Variants in MED25 observed in about 807,000 individuals in gnomAD.
MED25 encodes the protein mediator of RNA polymerase II transcription subunit 25.
A neutral mutation model predicts 89.4 loss-of-function variants in MED25; 62 were observed. The ratio of observed to expected loss-of-function variants is 0.69; its 90% CI spans 0.57 to 0.86. MED25 has a LOEUF of 0.86. MED25 is among the 40% of genes least tolerant of loss of function. MED25 has a pLI of 0.00. For missense variants in MED25, 905 were observed against 1,005.2 expected, an observed-to-expected ratio of 0.90 and a Z score of 1.35; for synonymous variants, 449 against 427.9, an observed-to-expected ratio of 1.05 and a Z score of -0.61.
rs1317687837 is a variant in MED25, at chr19:49,835,555, C to T, written c.1696C>T (p.Pro566Ser). 1.3e-6 allele frequency: 2 copies of T among 1,565,994 alleles called. No individual in the cohort carries two copies. Among genetic ancestry groups the T allele is most frequent in the Non-Finnish European group, 1.7e-6 (2 of 1,155,910 alleles). The stretch of plus-strand genomic sequence containing the variant: ...GCAGATGGGGGGACAGCAGGCACCC[C>T]CAGGGCTGGGGCCCATTCTGGAGGA... The part of the protein sequence containing the change: ...QRGMGGQQAP[P>S]GLGPILEDQA... Residue 566 changes from proline (P) to serine (S), a missense_variant, in exon 15 of 18, where the codon CCA becomes TCA. By Grantham distance (74) the Pro-to-Ser change is moderately conservative (BLOSUM62 -1). This residue lies in a region of MED25 where 271 missense variants were observed against 258.1 expected (regional missense o/e 1.05). Transcript: ENST00000312865. This position sits in a 1 kb window ranked among gnomAD's most constrained non-coding sequence, Gnocchi z 6.2.
rs112946131 is a variant in MED25, at chr19:49,830,061, G to C, written c.689-27G>C. 0.018 allele frequency: 29,262 copies of C among 1,600,716 alleles called. 337 individuals carry two copies. Among genetic ancestry groups the C allele is most frequent in the Non-Finnish European group, 0.022 (25,571 of 1,173,336 alleles). ...TCTGCATCTTGAATCCCTTCTCTCT[G>C]GGGTTGGCCATCCCTCCTGCTCTCA... On this transcript the variant is annotated intron_variant, in intron 6 of 17. Coordinates refer to ENST00000312865, the MANE Select transcript of MED25 (RefSeq NM_030973.4). This position sits in a 1 kb window ranked among gnomAD's most constrained non-coding sequence, Gnocchi z 4.6.
At chr19:49,821,208 T>C (rs750024291) in intron 3 of MED25, among the ~76,000 whole-genome samples, 5 of 152,228 alleles carry the variant, frequency 3.3e-5, no homozygotes, top group Non-Finnish European at 5.9e-5. Flanking sequence ...TCCACAGGGC[T>C]GGTTGACTGT....
intron 3 of MED25, among the ~76,000 whole-genome samples, chr19:49,821,636 C>T (rs2073982852): frequency 6.6e-6 from 1 of 151,254 alleles, no homozygotes. Context: ...GCCTTGACCT[C>T]CCTAAGTGCT....
chr19:49,832,951 C>T (rs1251101509), intron 13 of MED25: 1 of 197,410 alleles, frequency 5.1e-6, no homozygotes, highest in African/African-American at 2.3e-5. Context: ...CTCCACATGG[C>T]ATTCTCTCTG....
rs768736939 is a variant in MED25 at position 49,828,981 on chromosome 19, A to G, written c.416A>G (p.His139Arg). 1.9e-6 allele frequency: 3 copies of G among 1,613,834 alleles called. No homozygotes were observed. The highest frequency in any genetic ancestry group is 2.2e-5 in the South Asian group (2 of 91,080). ...KKMREQIGQT[H>R]RVCLLICNSP... is the part of the protein sequence containing the mutation. Reference sequence around the variant, plus strand: ...CTCTTTCCTGGTAGTGGCCAGACGCACCGGGTCTGCCTCCTCATCTGCAAC... The same window carrying G: ...CTCTTTCCTGGTAGTGGCCAGACGCGCCGGGTCTGCCTCCTCATCTGCAAC... Residue 139 changes from histidine to arginine, a missense_variant, in exon 5 of 18, where the codon CAC becomes CGC. By Grantham distance (29) the His-to-Arg change is conservative. Around this residue, in one of 3 missense-constraint regions of MED25, gnomAD observed 501 missense variants for 526.9 expected, o/e 0.95. Coordinates refer to ENST00000312865, the MANE Select transcript of MED25 (RefSeq NM_030973.4).
chr19:49,838,250 G>A (rs73934055), downstream of MED25, among the ~76,000 whole-genome samples: 99 of 152,286 alleles, frequency 6.5e-4, no homozygotes, highest in African/African-American at 2.3e-3. Context: ...TAGCATATGT[G>A]GCATTTTTTT....
rs890705505 is a variant in MED25, at chr19:49,831,760, G to C, written c.1231-176G>C. ...ATGGTGGGATTTAGGGGCCGGGCAC[G>C]TAGCTGTAACATTTGAGGAACTGAA... On this transcript the variant is annotated intron_variant, in intron 10 of 17. Transcript: ENST00000312865. The surrounding 1 kb of genome is among the most constrained non-coding windows in gnomAD (Gnocchi z 5.0). Among the ~76,000 whole-genome samples, 1 of 152,032 alleles carries C rather than the reference G, an allele frequency of 6.6e-6. No homozygotes were observed. Among genetic ancestry groups the C allele is most frequent in the Non-Finnish European group, 1.5e-5 (1 of 67,996 alleles).
At chr19:49,839,780 G>A (rs553548448), downstream of MED25, 3 of 152,300 alleles carry the variant, frequency 2.0e-5, no homozygotes, top group East Asian at 3.9e-4. Flanking sequence ...AATGAAAGAG[G>A]TGGCCCGGAC....
At chr19:49,820,693 C>T (rs994033652) in intron 3 of MED25, among the ~76,000 whole-genome samples, 1 of 152,250 alleles carries the variant, frequency 6.6e-6, no homozygotes, top group African/African-American at 2.4e-5. Flanking sequence ...ATTGCTGCCT[C>T]TCAGACAAGT....
In MED25 at chr19:49,824,368, G is replaced by A. The variant is rs549362609; in HGVS notation, c.306-4081G>A. ...TCCAGCTGGGGCTTGGCACCCACGG[G>A]GCTTCAGGAGACTGGCTGAATAAAT... On this transcript the variant is annotated intron_variant, in intron 3 of 17. Coordinates refer to ENST00000312865, the MANE Select transcript of MED25 (RefSeq NM_030973.4). 2.0e-5 allele frequency among the ~76,000 whole-genome samples: 3 copies of A among 152,178 alleles called. No individual in the cohort carries two copies. In the South Asian group the frequency reaches 6.2e-4, roughly 32 times the overall value.
rs2123889827 is a variant in MED25, at chr19:49,836,647, A to G, written c.2147-200A>G. On this transcript the variant is annotated intron_variant, in intron 17 of 17. Coordinates refer to ENST00000312865, the MANE Select transcript of MED25 (RefSeq NM_030973.4). This position sits in a 1 kb window ranked among gnomAD's most constrained non-coding sequence, Gnocchi z 5.1. Reference sequence around the variant, plus strand: ...TGTGTGCTCCTGGGATTGCTGGGAAATGTGGTCTTAGGGCCAGAGAAGTAG... The same window carrying G: ...TGTGTGCTCCTGGGATTGCTGGGAAGTGTGGTCTTAGGGCCAGAGAAGTAG... 1.4e-6 allele frequency: 1 copy of G among 739,840 alleles called. No homozygotes were observed. Among genetic ancestry groups the G allele is most frequent in the Middle Eastern group, 2.3e-4 (1 of 4,422 alleles). The allele number at this position is 739,840 out of a possible 1,614,324, so 45.8% of individuals were successfully genotyped here.
chr19:49,826,571 G>A (rs77252411), intron 3 of MED25, among the ~76,000 whole-genome samples: 190 of 152,336 alleles, frequency 1.2e-3, no homozygotes, highest in Non-Finnish European at 2.5e-3. Flanking sequence ...CTCAGCAGAT[G>A]GTTCCTAGGC....
At position 49,830,297 on chromosome 19, in the gene MED25, G is replaced by A. The variant is rs1282201800; in HGVS notation, c.819+79G>A. 1 of 1,451,152 alleles carries A rather than the reference G, an allele frequency of 6.9e-7. No homozygotes were observed. Among genetic ancestry groups the A allele is most frequent in the Non-Finnish European group, 9.5e-7 (1 of 1,053,396 alleles). 89.9% of individuals were successfully genotyped at this position (1,451,152 alleles called of 1,614,324 possible). A position where few individuals can be genotyped will look rare whatever the true frequency, so the allele number is the denominator to read the frequency against. On this transcript the variant is annotated intron_variant, in intron 7 of 17. Coordinates refer to ENST00000312865, the MANE Select transcript of MED25 (RefSeq NM_030973.4). This position sits in a 1 kb window ranked among gnomAD's most constrained non-coding sequence, Gnocchi z 4.6. Reference sequence around the variant, plus strand: ...CCCCTGGGGAGAAATCTAGTTGCATGTTGGAGCTTGTGGGATGATGGGAGT... The same window carrying A: ...CCCCTGGGGAGAAATCTAGTTGCATATTGGAGCTTGTGGGATGATGGGAGT...
intron 4 of MED25, 132 bp downstream of exon 4, chr19:49,828,679 C>T: frequency 1.1e-6 from 1 of 922,980 alleles, no homozygotes. Flanking sequence ...CACGCTGAGC[C>T]AGGAGGCTGC....
In MED25 at chr19:49,826,412, G is replaced by C. The variant is rs546608542; in HGVS notation, c.306-2037G>C. On this transcript the variant is annotated intron_variant, in intron 3 of 17. Coordinates refer to ENST00000312865, the MANE Select transcript of MED25 (RefSeq NM_030973.4). ...GTGTGGTGGGTTGGGAGCAGCGCCCGAGTGCCCTGAGAGCAGGAAGAAGGC... is the reference window on the plus strand; with the variant it reads ...GTGTGGTGGGTTGGGAGCAGCGCCCCAGTGCCCTGAGAGCAGGAAGAAGGC... Among the ~76,000 whole-genome samples the C allele has an allele frequency of 2.6e-3, 399 of 152,278 alleles. 2 individuals carry two copies. The highest frequency in any genetic ancestry group is 9.2e-3 in the African/African-American group (382 of 41,556).
downstream of MED25, chr19:49,838,348 C>G: frequency 2.8e-6 from 1 of 350,908 alleles, no homozygotes. Flanking sequence ...TTTGACAAGT[C>G]AGAAGAATTG....
rs766201200 is a variant in MED25, at chr19:49,836,197, C to T, written c.1966-29C>T. On this transcript the variant is annotated intron_variant, in intron 16 of 17. Transcript: ENST00000312865. This position sits in a 1 kb window ranked among gnomAD's most constrained non-coding sequence, Gnocchi z 5.1. ...AGAGGTGGGGAGTCTCTACCAGGAG[C>T]CTCTGAGCCACTCTCTGTGTTCTCC... The T allele has an allele frequency of 6.2e-7, 1 of 1,608,518 alleles. No individual in the cohort carries two copies. The highest frequency in any genetic ancestry group is 8.5e-7 in the Non-Finnish European group (1 of 1,177,630).
chr19:49,831,610 C>T lies in MED25; in HGVS notation c.1230+149C>T, dbSNP rs991393068. 53 of 1,060,702 alleles carry T rather than the reference C, an allele frequency of 5.0e-5. No homozygotes were observed. The highest frequency in any genetic ancestry group is 7.1e-5 in the Non-Finnish European group (53 of 744,706). 65.7% of individuals were successfully genotyped at this position (1,060,702 alleles called of 1,614,324 possible). On this transcript the variant is annotated intron_variant, in intron 10 of 17. Coordinates refer to ENST00000312865, the MANE Select transcript of MED25 (RefSeq NM_030973.4). The surrounding 1 kb of genome is among the most constrained non-coding windows in gnomAD (Gnocchi z 5.0). ...GGACCTGTGGGATGCGGGGCGAGGC[C>T]AGGAGCCCCATGGAGTGGTGGGACT...
At chr19:49,837,597 A>C (rs987508450), downstream of MED25, among the ~76,000 whole-genome samples, 5 of 152,094 alleles carry the variant, frequency 3.3e-5, no homozygotes, top group Admixed American at 3.3e-4. Context: ...ACAGGAGGCC[A>C]GGAAAGGTGA....
Sources: allele counts gnomAD v4.1 joint callset (sites outside exome capture counted in the v4.1 genomes callset), GRCh38; gene constraint gnomAD v4.1.1; regional missense constraint gnomAD v4.1.1; non-coding constraint Gnocchi (gnomAD v3.1); transcripts MANE v1.5; gene names NCBI Gene and HGNC (gene_info 2026-07-23, HGNC 2026-07-21).